SUSD6: variants seen among roughly 807,000 people sequenced by gnomAD.
The protein encoded by SUSD6 is sushi domain-containing protein 6.
In SUSD6, 16 loss-of-function variants were observed where a neutral mutation model predicts 28.4. The observed-to-expected ratio is 0.56, with a 90% CI of 0.38 to 0.86. SUSD6 has a LOEUF of 0.86. SUSD6 is among the 40% of genes least tolerant of loss of function. The pLI is 0.00. For synonymous variants in SUSD6, 147 were observed against 159.6 expected (o/e 0.92, Z 0.59); for missense variants, 341 against 384.2 (o/e 0.89, Z 0.94).
rs1431641794 is a variant in SUSD6 at position 69,713,882 on chromosome 14, G to C, written c.*2903G>C. On this transcript the variant is annotated 3_prime_UTR_variant, in exon 6 of 6. Transcript: ENST00000342745. ...GCACACTTGAGCTGACTCAGTGCAG[G>C]TTTAATATCCTGGTGACTTGCAGTC... 1 of 147,954 alleles carries C rather than the reference G, an allele frequency of 6.8e-6. No individual in the cohort carries two copies. The highest frequency in any genetic ancestry group is 2.5e-5 in the African/African-American group (1 of 39,790). 9.2% of individuals were successfully genotyped at this position (147,954 alleles called of 1,614,324 possible). A position where few individuals can be genotyped will look rare whatever the true frequency, so the allele number is the denominator to read the frequency against.
At chr14:69,696,733 T>TG (rs1886230165) in intron 2 of SUSD6, among the ~76,000 whole-genome samples, 1 of 152,190 alleles carries the variant, frequency 6.6e-6, no homozygotes, top group East Asian at 1.9e-4. Flanking sequence ...TAGCCACTAC[T>TG]AGGTGGCTGC....
chr14:69,658,904 G>A (rs927179777), intron 2 of SUSD6, among the ~76,000 whole-genome samples, 191 bp downstream of exon 2: 2 of 152,158 alleles, frequency 1.3e-5, no homozygotes, highest in East Asian at 1.9e-4. Flanking sequence ...GAGGAGGGGC[G>A]TGTGGGAGCC....
chr14:69,650,345 A>G (rs965988665), intron 1 of SUSD6, among the ~76,000 whole-genome samples: 2 of 152,150 alleles, frequency 1.3e-5, no homozygotes, highest in Admixed American at 1.3e-4. Flanking sequence ...CAGCAACCCA[A>G]TGAGGTGGGT....
chr14:69,693,150 A>G (rs1487485580), intron 2 of SUSD6, among the ~76,000 whole-genome samples: 3 of 152,198 alleles, frequency 2.0e-5, no homozygotes, highest in South Asian at 2.1e-4. Flanking sequence ...GCTCTGCTCT[A>G]TAGGTCACTG....
intron 1 of SUSD6, among the ~76,000 whole-genome samples, chr14:69,622,863 G>A (rs1885061687): frequency 6.6e-6 from 1 of 152,192 alleles, no homozygotes; most frequent in Non-Finnish European, 1.5e-5. Context: ...CAAAGTGTTG[G>A]GATTGCAGGC....
intron 1 of SUSD6, among the ~76,000 whole-genome samples, chr14:69,628,064 C>G (rs1458646521): frequency 6.6e-6 from 1 of 151,932 alleles, no homozygotes; most frequent in Non-Finnish European, 1.5e-5. Flanking sequence ...TCCTACGTAG[C>G]TGGGATTACA....
At chr14:69,708,272 C>A (rs1886412475) in intron 4 of SUSD6, among the ~76,000 whole-genome samples, 1 of 152,216 alleles carries the variant, frequency 6.6e-6, no homozygotes, top group African/African-American at 2.4e-5. Context: ...CATTCTCTCA[C>A]TTCCTTATTT....
chr14:69,655,019 T>C (rs1162050932), intron 1 of SUSD6, among the ~76,000 whole-genome samples: 2 of 152,030 alleles, frequency 1.3e-5, no homozygotes, highest in Admixed American at 1.3e-4. Flanking sequence ...GGCCTTGAAC[T>C]CCTCACCTTG....
intron 1 of SUSD6, among the ~76,000 whole-genome samples, chr14:69,655,691 T>G (rs753089085): frequency 6.6e-6 from 1 of 151,682 alleles, no homozygotes; most frequent in Non-Finnish European, 1.5e-5. Flanking sequence ...TCCCAGCTGC[T>G]TGGGATGCTG....
At chr14:69,647,564 A>G (rs991492056) in intron 1 of SUSD6, among the ~76,000 whole-genome samples, 4 of 152,084 alleles carry the variant, frequency 2.6e-5, no homozygotes, top group African/African-American at 7.2e-5. Context: ...TCCTAATTGT[A>G]TGCTAGTATT....
intron 1 of SUSD6, among the ~76,000 whole-genome samples, chr14:69,640,624 A>C (rs1397735639): frequency 6.6e-6 from 1 of 152,224 alleles, no homozygotes; most frequent in Non-Finnish European, 1.5e-5. Flanking sequence ...GGCATGAGCC[A>C]CTGCACCTGG....
intron 2 of SUSD6, among the ~76,000 whole-genome samples, chr14:69,698,447 C>CAA (rs1396104845): frequency 3.9e-5 from 6 of 152,340 alleles, no homozygotes; most frequent in African/African-American, 1.4e-4. Flanking sequence ...CCCTGCTTTC[C>CAA]ACACCTTGTT....
chr14:69,639,689 A>G (rs1885320635), intron 1 of SUSD6, among the ~76,000 whole-genome samples: 1 of 152,202 alleles, frequency 6.6e-6, no homozygotes, highest in Non-Finnish European at 1.5e-5. Context: ...CACTTAGGCC[A>G]GGGCTTTCAT....
At position 69,671,525 on chromosome 14, in the gene SUSD6, C is replaced by T. The variant is rs574217429; in HGVS notation, c.121+12812C>T. 1.2e-4 allele frequency among the ~76,000 whole-genome samples: 19 copies of T among 152,286 alleles called. No homozygotes were observed. In the South Asian group the frequency reaches 2.1e-3, roughly 17 times the overall value. ...CCTTATTTCAGCAAGTCTGATGTACCGCGTGGGGTCCCATGTGGGTCTTAT... is the reference window on the plus strand; with the variant it reads ...CCTTATTTCAGCAAGTCTGATGTACTGCGTGGGGTCCCATGTGGGTCTTAT... On this transcript the variant is annotated intron_variant, in intron 2 of 5. Coordinates refer to ENST00000342745, the MANE Select transcript of SUSD6 (RefSeq NM_014734.4).
chr14:69,671,795 T>G (rs1885836719), intron 2 of SUSD6, among the ~76,000 whole-genome samples: 1 of 152,196 alleles, frequency 6.6e-6, no homozygotes, highest in East Asian at 1.9e-4. Flanking sequence ...TTTCTTTGAG[T>G]GGCTTTCAGC....
At chr14:69,668,634 T>TC (rs77190335) in intron 2 of SUSD6, among the ~76,000 whole-genome samples, 1 of 33,836 alleles carries the variant, frequency 3.0e-5, no homozygotes, top group Non-Finnish European at 1.1e-4. Flanking sequence ...AGAATTCGTC[T>TC]CAAAAAAAAA....
chr14:69,627,325 G>A (rs1252963038), intron 1 of SUSD6, among the ~76,000 whole-genome samples: 1 of 152,190 alleles, frequency 6.6e-6, no homozygotes, highest in Non-Finnish European at 1.5e-5. Context: ...GAATTTGCAG[G>A]AGCAGCTTCA....
At chr14:69,676,406 G>A (rs1190815464) in intron 2 of SUSD6, among the ~76,000 whole-genome samples, 1 of 151,238 alleles carries the variant, frequency 6.6e-6, no homozygotes, top group Non-Finnish European at 1.5e-5. Flanking sequence ...TTTGAGACAG[G>A]TTCTTGCTCT....
At chr14:69,659,777 C>G (rs1342101477) in intron 2 of SUSD6, among the ~76,000 whole-genome samples, 1 of 152,176 alleles carries the variant, frequency 6.6e-6, no homozygotes, top group East Asian at 1.9e-4. Flanking sequence ...CCTTGGCCTC[C>G]CAAAATGTTG....
Sources: gnomAD v4.1 joint callset for allele counts (sites outside exome capture counted in the v4.1 genomes callset) on GRCh38, gnomAD v4.1.1 for gene constraint, MANE v1.5 for transcripts, NCBI Gene and HGNC (gene_info 2026-07-23, HGNC 2026-07-21) for gene names.